The following NELL1 variants were observed in gnomAD, a reference collection of about 807,000 sequenced individuals.
NELL1 encodes the protein neural EGFL like 1.
NELL1 carries 76 observed loss-of-function variants against 107.4 expected under a neutral mutation model. That is an observed-to-expected ratio of 0.71 (90% CI 0.59 to 0.86). The LOEUF is 0.86. NELL1 is among the 40% of genes least tolerant of loss of function. The probability of loss-of-function intolerance (pLI) is 0.00; values close to 1 mark genes in which losing one functional copy is unlikely to be tolerated. For synonymous variants in NELL1, 353 were observed against 341.2 expected (o/e 1.03, Z -0.38); for missense variants, 1,024 against 1,005.5 (o/e 1.02, Z -0.25).
intron 15 of NELL1, among the ~76,000 whole-genome samples, chr11:21,414,209 T>C (rs1251970143): frequency 6.6e-6 from 1 of 152,010 alleles, no homozygotes; most frequent in Non-Finnish European, 1.5e-5. Flanking sequence ...ATGAAGGTAA[T>C]TCCAATATTT....
chr11:20,974,624 CAG>C (rs2134234107), intron 12 of NELL1, among the ~76,000 whole-genome samples: 1 of 152,184 alleles, frequency 6.6e-6, no homozygotes, highest in Non-Finnish European at 1.5e-5. Flanking sequence ...GGAGGGTAAA[CAG>C]AGCATCCTTT....
intron 5 of NELL1, among the ~76,000 whole-genome samples, chr11:20,903,305 C>T (rs1849919268): frequency 6.6e-6 from 1 of 152,014 alleles, no homozygotes; most frequent in Admixed American, 6.6e-5. Flanking sequence ...TAGTTACTTC[C>T]TGGTGAAGCT....
chr11:21,230,562 A>G (rs72943900), intron 14 of NELL1, among the ~76,000 whole-genome samples: 13,866 of 152,322 alleles, frequency 0.091, 689 homozygotes, highest in South Asian at 0.12. Flanking sequence ...TCCTTATTTT[A>G]GAAGTGATAA....
intron 5 of NELL1, among the ~76,000 whole-genome samples, chr11:20,912,095 C>G (rs1428432835): frequency 2.0e-5 from 3 of 152,150 alleles, no homozygotes; most frequent in African/African-American, 7.2e-5. Flanking sequence ...ACATTATTCT[C>G]TATTTTAAAT....
chr11:20,677,804 T>A (rs1465175478), intron 1 of NELL1, 128 bp from the exon 2 acceptor site: 1 of 1,070,028 alleles, frequency 9.3e-7, no homozygotes, highest in South Asian at 1.6e-5. Flanking sequence ...TTTCCCTCCA[T>A]AGACAAAGAC....
At chr11:21,565,967 C>T (rs1265913369) in intron 17 of NELL1, among the ~76,000 whole-genome samples, 2 of 151,896 alleles carry the variant, frequency 1.3e-5, no homozygotes, top group Non-Finnish European at 2.9e-5. Context: ...ATTACCAACC[C>T]TAATTTCATA....
chr11:20,842,362 G>A (rs1215391920), intron 3 of NELL1, among the ~76,000 whole-genome samples: 18 of 145,116 alleles, frequency 1.2e-4, no homozygotes, highest in Admixed American at 1.2e-3. Context: ...AACAGAGTGA[G>A]ACTCCGTTTA....
Position 21,014,074 on chromosome 11 carries a change from G to A in NELL1, c.1300+53514G>A, listed in dbSNP as rs566210693. Among the ~76,000 whole-genome samples the A allele has an allele frequency of 4.6e-5, 7 of 152,118 alleles. No individual in the cohort carries two copies. In the East Asian group the frequency reaches 1.4e-3, roughly 29 times the overall value. ...ACTGCTTTATTTTGTTTCTCTAATT[G>A]TTCCAGCTTTGGCAAATGGAGGCTG... On this transcript the variant is annotated intron_variant, in intron 12 of 19. Coordinates refer to ENST00000357134, the MANE Select transcript of NELL1 (RefSeq NM_006157.5).
chr11:20,921,640 G>C (rs1850378276), intron 7 of NELL1, among the ~76,000 whole-genome samples: 1 of 152,030 alleles, frequency 6.6e-6, no homozygotes, highest in Admixed American at 6.6e-5. Context: ...AAATAAAAAA[G>C]AAAGGAAAAG....
intron 13 of NELL1, among the ~76,000 whole-genome samples, chr11:21,196,984 G>A (rs1418822431): frequency 1.3e-5 from 2 of 148,528 alleles, no homozygotes; most frequent in Non-Finnish European, 3.0e-5. Flanking sequence ...CAATTCTCCT[G>A]CCTCAGCCTC....
chr11:21,534,816 G>C (rs1282671652), intron 16 of NELL1, among the ~76,000 whole-genome samples: 2 of 152,042 alleles, frequency 1.3e-5, no homozygotes, highest in Non-Finnish European at 2.9e-5. Context: ...GTGATGACTT[G>C]CTGAAATTTT....
At chr11:20,722,669 C>A (rs1286873619) in intron 2 of NELL1, among the ~76,000 whole-genome samples, 1 of 152,108 alleles carries the variant, frequency 6.6e-6, no homozygotes, top group Non-Finnish European at 1.5e-5. Flanking sequence ...TCTACACTAA[C>A]CCTTATTAAG....
At chr11:21,129,366 AAATAG>A (rs1855562815) in intron 13 of NELL1, among the ~76,000 whole-genome samples, 1 of 152,160 alleles carries the variant, frequency 6.6e-6, no homozygotes, top group Non-Finnish European at 1.5e-5. Context: ...AAATAGAAAA[AAATAG>A]AAAATAGAAT....
chr11:21,195,276 A>G (rs566289233), intron 13 of NELL1, among the ~76,000 whole-genome samples: 6 of 152,188 alleles, frequency 3.9e-5, no homozygotes, highest in Non-Finnish European at 8.8e-5. Context: ...CTGGTGTCCA[A>G]TGTCAAACCT....
intron 4 of NELL1, among the ~76,000 whole-genome samples, chr11:20,885,144 C>T (rs985365177): frequency 5.9e-5 from 9 of 152,232 alleles, no homozygotes; most frequent in African/African-American, 2.2e-4. Context: ...GCACCTATAA[C>T]ATGCGTATCA....
intron 5 of NELL1, among the ~76,000 whole-genome samples, chr11:20,886,464 A>AATGCTCGAT (rs1158294199): frequency 9.9e-5 from 15 of 152,258 alleles, no homozygotes; most frequent in African/African-American, 3.6e-4. Flanking sequence ...AAAATACCAC[A>AATGCTCGAT]AAAATATTTT....
chr11:21,339,512 T>A (rs1177652471), intron 14 of NELL1, among the ~76,000 whole-genome samples: 1 of 152,208 alleles, frequency 6.6e-6, no homozygotes. Flanking sequence ...ACACTCACTA[T>A]AGCTAACTCT....
In NELL1 at chr11:21,105,974, A is replaced by G. The variant is rs925782022; in HGVS notation, c.1301-7615A>G. Reference sequence around the variant, plus strand: ...CTCCCTCCCTCTCTTTCTTCCTTTCATCTTTCTTCTTTCTCTCTGTTTCTC... The same window carrying G: ...CTCCCTCCCTCTCTTTCTTCCTTTCGTCTTTCTTCTTTCTCTCTGTTTCTC... On this transcript the variant is annotated intron_variant, in intron 12 of 19. Coordinates refer to ENST00000357134, the MANE Select transcript of NELL1 (RefSeq NM_006157.5). Among the ~76,000 whole-genome samples the G allele has an allele frequency of 3.5e-5, 4 of 113,242 alleles. No homozygotes were observed. In the East Asian group the frequency reaches 7.8e-4, roughly 22 times the overall value. The allele number at this position is 113,242 out of a possible 152,430, so 74.3% of individuals were successfully genotyped here. A position where few individuals can be genotyped will look rare whatever the true frequency, so the allele number is the denominator to read the frequency against.
rs1591002449 is a variant in NELL1, at chr11:21,521,703, G to A, written c.1646-12671G>A. Among the ~76,000 whole-genome samples, 4 of 152,222 alleles carry A rather than the reference G, an allele frequency of 2.6e-5. No homozygotes were observed. In the South Asian group the frequency reaches 8.3e-4, roughly 32 times the overall value. ...AGTTCTAGTGTTTTTCATAGAGGCT[G>A]TTCTAATTTACATTCCCATCAACAG... On this transcript the variant is annotated intron_variant, in intron 15 of 19. Coordinates refer to ENST00000357134, the MANE Select transcript of NELL1 (RefSeq NM_006157.5).
Sources: allele counts gnomAD v4.1 joint callset (sites outside exome capture counted in the v4.1 genomes callset), GRCh38; gene constraint gnomAD v4.1.1; transcripts MANE v1.5; gene names NCBI Gene and HGNC (gene_info 2026-07-23, HGNC 2026-07-21).